IMMP2L: variants seen among roughly 807,000 people sequenced by gnomAD.
IMMP2L encodes the protein inner mitochondrial membrane peptidase subunit 2.
IMMP2L carries 18 observed loss-of-function variants against 19.3 expected under a neutral mutation model. The ratio of observed to expected loss-of-function variants is 0.93; its 90% CI spans 0.64 to 1.38. The LOEUF is 1.38. IMMP2L is among the 40% of genes most tolerant of loss of function. The probability of loss-of-function intolerance (pLI) is 0.00; values close to 1 mark genes in which losing one functional copy is unlikely to be tolerated. For synonymous variants in IMMP2L, 76 were observed against 73.0 expected, an observed-to-expected ratio of 1.04 and a Z score of -0.21; for missense variants, 233 against 218.2, an observed-to-expected ratio of 1.07 and a Z score of -0.43.
rs368437763 is a variant in IMMP2L, at chr7:111,333,971, A to AT, written c.239+153266_239+153267insA. On this transcript the variant is annotated intron_variant, in intron 3 of 5. Transcript: ENST00000405709. ...TCTAGAAAACCCTGATACACTCTTC[A>AT]ACCTGTATATCTTCTTCTAGAAAAA... Among the ~76,000 whole-genome samples the AT allele has an allele frequency of 3.1e-3, 478 of 152,194 alleles. 5 individuals are homozygous for AT. Among genetic ancestry groups the AT allele is most frequent in the African/African-American group, 0.011 (451 of 41,546 alleles).
intron 3 of IMMP2L, among the ~76,000 whole-genome samples, chr7:111,008,934 T>C (rs1383759810): frequency 6.6e-6 from 1 of 152,128 alleles, no homozygotes; most frequent in Non-Finnish European, 1.5e-5. Flanking sequence ...TGTGCCACTT[T>C]GAGTCATCTC....
At chr7:110,859,841 T>G (rs923329761) in intron 5 of IMMP2L, among the ~76,000 whole-genome samples, 1 of 152,104 alleles carries the variant, frequency 6.6e-6, no homozygotes, top group African/African-American at 2.4e-5. Context: ...AAGTGTAGTT[T>G]TTTTAGTTCT....
intron 3 of IMMP2L, among the ~76,000 whole-genome samples, chr7:111,479,661 C>T (rs146525132): frequency 7.4e-4 from 112 of 152,178 alleles, no homozygotes; most frequent in African/African-American, 2.3e-3. Context: ...TAATATTTAA[C>T]GTGTATTTGG....
At chr7:110,753,232 G>T (rs955905881) in intron 5 of IMMP2L, among the ~76,000 whole-genome samples, 1 of 151,944 alleles carries the variant, frequency 6.6e-6, no homozygotes, top group African/African-American at 2.4e-5. Flanking sequence ...AATCTAGTTA[G>T]TCCAATGTGC....
chr7:111,220,731 T>C (rs1476099297), intron 3 of IMMP2L, among the ~76,000 whole-genome samples: 1 of 151,928 alleles, frequency 6.6e-6, no homozygotes, highest in Non-Finnish European at 1.5e-5. Flanking sequence ...TCCCATAATT[T>C]TCCAACTGAA....
intron 3 of IMMP2L, among the ~76,000 whole-genome samples, chr7:111,016,668 C>T: frequency 9.8e-6 from 1 of 101,694 alleles, no homozygotes; most frequent in Non-Finnish European, 1.7e-5. Flanking sequence ...ATATATTAAA[C>T]ATATATAATA....
rs1220894725 is a variant in IMMP2L at position 110,758,528 on chromosome 7, G to A, written c.409-94807C>T. Among the ~76,000 whole-genome samples the A allele has an allele frequency of 6.6e-6, 1 of 152,086 alleles. No homozygotes were observed. Among genetic ancestry groups the A allele is most frequent in the African/African-American group, 2.4e-5 (1 of 41,428 alleles). ...GAAAGGGGATGAGTCTAGTAAATAA[G>A]TAGAGTGCAGGCCTGGCTATGAGCA... On this transcript the variant is annotated intron_variant, in intron 5 of 5. Coordinates refer to ENST00000405709, the MANE Select transcript of IMMP2L (RefSeq NM_032549.4). This position sits in a 1 kb window ranked among gnomAD's most constrained non-coding sequence, Gnocchi z 4.6.
chr7:110,852,758 T>C (rs1450233084), intron 5 of IMMP2L, among the ~76,000 whole-genome samples: 1 of 152,002 alleles, frequency 6.6e-6, no homozygotes, highest in African/African-American at 2.4e-5. Context: ...TGGAGAATTG[T>C]CTTCCAATAG....
intron 3 of IMMP2L, among the ~76,000 whole-genome samples, chr7:111,468,507 CTT>C (rs1840898806): frequency 6.6e-6 from 1 of 151,840 alleles, no homozygotes; most frequent in South Asian, 2.1e-4. Context: ...ATTTTTAAGT[CTT>C]GACTTTTAGA....
At chr7:111,293,424 AT>A (rs1361535596) in intron 3 of IMMP2L, among the ~76,000 whole-genome samples, 2 of 151,700 alleles carry the variant, frequency 1.3e-5, no homozygotes, top group African/African-American at 4.8e-5. Flanking sequence ...TTAATAATGT[AT>A]TTTTTTCAAC....
chr7:110,872,462 T>C (rs1189709331), intron 5 of IMMP2L, among the ~76,000 whole-genome samples: 3 of 152,174 alleles, frequency 2.0e-5, no homozygotes, highest in Non-Finnish European at 4.4e-5. Context: ...TTGTCTATTC[T>C]TTTGTCTGCC....
chr7:111,085,928 C>T (rs942716055), intron 3 of IMMP2L, among the ~76,000 whole-genome samples: 1 of 152,022 alleles, frequency 6.6e-6, no homozygotes, highest in East Asian at 1.9e-4. Flanking sequence ...TAAGTGGGGG[C>T]TAAGTGATGA....
At chr7:111,199,830 T>C (rs566963388) in intron 3 of IMMP2L, among the ~76,000 whole-genome samples, 46 of 152,252 alleles carry the variant, frequency 3.0e-4, no homozygotes, top group Non-Finnish European at 6.0e-4. Flanking sequence ...AGTATGCTGC[T>C]AGACATAAAG....
At chr7:111,555,509 T>C (rs538702355) in intron 1 of IMMP2L, among the ~76,000 whole-genome samples, 3 of 152,044 alleles carry the variant, frequency 2.0e-5, no homozygotes, top group Non-Finnish European at 4.4e-5. Flanking sequence ...ATTTTCAACA[T>C]CTCCCTTTCT....
At chr7:110,929,096 CTGTT>C (rs1052804038) in intron 4 of IMMP2L, among the ~76,000 whole-genome samples, 9 of 152,206 alleles carry the variant, frequency 5.9e-5, no homozygotes, top group East Asian at 1.9e-4. Context: ...GCAAATCACT[CTGTT>C]TGTCAACTGA....
chr7:111,455,242 C>T (rs562300430), intron 3 of IMMP2L, among the ~76,000 whole-genome samples: 17 of 151,564 alleles, frequency 1.1e-4, no homozygotes, highest in Middle Eastern at 3.4e-3. Context: ...TTCATTTCAG[C>T]ATCCTTGATT....
chr7:111,147,705 G>C (rs1020089367), intron 3 of IMMP2L, among the ~76,000 whole-genome samples: 3 of 152,024 alleles, frequency 2.0e-5, no homozygotes, highest in Non-Finnish European at 4.4e-5. Context: ...TTTAATTTTA[G>C]TGGTTGCGAG....
intron 4 of IMMP2L, among the ~76,000 whole-genome samples, chr7:110,955,880 G>C (rs1415271118): frequency 1.3e-5 from 2 of 151,352 alleles, no homozygotes; most frequent in Non-Finnish European, 2.9e-5. Flanking sequence ...GAAGAAGAGA[G>C]CCATATGGAT....
At chr7:110,810,467 A>C (rs1801961551) in intron 5 of IMMP2L, among the ~76,000 whole-genome samples, 1 of 152,074 alleles carries the variant, frequency 6.6e-6, no homozygotes, top group Non-Finnish European at 1.5e-5. Flanking sequence ...GTCAGTTATT[A>C]AACAGCCTAA....
Sources: gnomAD v4.1 joint callset for allele counts (sites outside exome capture counted in the v4.1 genomes callset) on GRCh38, gnomAD v4.1.1 for gene constraint, Gnocchi (gnomAD v3.1) non-coding constraint, MANE v1.5 for transcripts, NCBI Gene and HGNC (gene_info 2026-07-23, HGNC 2026-07-21) for gene names.